DPP10: variants seen among roughly 807,000 people sequenced by gnomAD.
DPP10 encodes the protein inactive dipeptidyl peptidase 10.
A neutral mutation model predicts 120.9 loss-of-function variants in DPP10; 33 were observed. The observed-to-expected ratio is 0.27, with a 90% CI of 0.21 to 0.37. The LOEUF (loss-of-function observed/expected upper bound fraction) is 0.37. Among genes scored for constraint, DPP10 ranks in the 10% least tolerant of loss-of-function variants. The probability of loss-of-function intolerance (pLI) is 1.00; values close to 1 mark genes in which losing one functional copy is unlikely to be tolerated. For synonymous variants in DPP10, 337 were observed against 326.1 expected, an observed-to-expected ratio of 1.03 and a Z score of -0.36; for missense variants, 816 against 942.8, an observed-to-expected ratio of 0.87 and a Z score of 1.76.
intron 1 of DPP10, among the ~76,000 whole-genome samples, chr2:114,541,487 A>G (rs548902580): frequency 6.6e-6 from 1 of 152,306 alleles, no homozygotes; most frequent in African/African-American, 2.4e-5. Flanking sequence ...CTCTCAGGAA[A>G]ACAGGTAAGC....
chr2:115,658,243 A>G (rs537491809), intron 5 of DPP10, among the ~76,000 whole-genome samples: 60 of 152,134 alleles, frequency 3.9e-4, no homozygotes, highest in African/African-American at 1.4e-3. Flanking sequence ...ATAATTGATT[A>G]CTAATTGATA....
chr2:114,723,583 C>A (rs1032458662), intron 1 of DPP10, among the ~76,000 whole-genome samples: 3 of 152,150 alleles, frequency 2.0e-5, no homozygotes, highest in Non-Finnish European at 2.9e-5. Flanking sequence ...TAAAGCACAT[C>A]AATCTATTTT....
intron 1 of DPP10, among the ~76,000 whole-genome samples, chr2:114,795,815 T>A (rs1410984173): frequency 2.6e-5 from 4 of 152,180 alleles, no homozygotes; most frequent in Non-Finnish European, 5.9e-5. Flanking sequence ...CTAATTACCA[T>A]AAAATATACA....
chr2:114,977,825 C>T (rs541046025), intron 1 of DPP10, among the ~76,000 whole-genome samples: 6 of 151,998 alleles, frequency 3.9e-5, no homozygotes, highest in Admixed American at 6.6e-5. Context: ...TACTGTTGTA[C>T]CCAATTCCAG....
At chr2:114,521,868 C>A (rs1183204267) in intron 1 of DPP10, among the ~76,000 whole-genome samples, 1 of 137,738 alleles carries the variant, frequency 7.3e-6, no homozygotes, top group Non-Finnish European at 1.5e-5. Flanking sequence ...AGTGCAGTGG[C>A]GCAATCTCGG....
chr2:115,349,758 CTTGT>C (rs374533131), intron 3 of DPP10, among the ~76,000 whole-genome samples: 4 of 152,086 alleles, frequency 2.6e-5, no homozygotes, highest in South Asian at 2.1e-4. Context: ...TTGTTTCTTG[CTTGT>C]TTGTTTGACA....
At chr2:115,545,729 C>G (rs1005823591) in intron 5 of DPP10, among the ~76,000 whole-genome samples, 3 of 152,056 alleles carry the variant, frequency 2.0e-5, no homozygotes, top group Non-Finnish European at 4.4e-5. Context: ...GCTCATAAAT[C>G]CTCAAATCCT....
At chr2:115,611,765 C>T (rs1289726298) in intron 5 of DPP10, among the ~76,000 whole-genome samples, 4 of 152,014 alleles carry the variant, frequency 2.6e-5, no homozygotes, top group Non-Finnish European at 1.5e-5. Flanking sequence ...TGTTAGCCTA[C>T]CTACTTATTA....
intron 1 of DPP10, among the ~76,000 whole-genome samples, chr2:114,765,950 CTCAA>C (rs1680672465): frequency 6.6e-6 from 1 of 152,042 alleles, no homozygotes; most frequent in Non-Finnish European, 1.5e-5. Flanking sequence ...ACAGATTAAA[CTCAA>C]TCAAATGTGA....
At chr2:115,384,683 GGAA>G (rs1261850319) in intron 3 of DPP10, among the ~76,000 whole-genome samples, 5 of 138,598 alleles carry the variant, frequency 3.6e-5, no homozygotes, top group East Asian at 2.1e-4. Flanking sequence ...AAGAAGAAGA[GGAA>G]GAAGAAGAAA....
intron 1 of DPP10, among the ~76,000 whole-genome samples, chr2:114,577,104 G>A (rs1210027492): frequency 6.6e-6 from 1 of 152,160 alleles, no homozygotes; most frequent in East Asian, 1.9e-4. Flanking sequence ...AAAGTTGGCA[G>A]GACTGCAGAA....
intron 5 of DPP10, among the ~76,000 whole-genome samples, chr2:115,543,462 A>G (rs2079299170): frequency 6.6e-6 from 1 of 152,090 alleles, no homozygotes; most frequent in Non-Finnish European, 1.5e-5. Context: ...GCCAATATCA[A>G]TAAACTTGCA....
intron 1 of DPP10, among the ~76,000 whole-genome samples, chr2:114,528,325 T>C (rs1685675719): frequency 6.6e-6 from 1 of 152,144 alleles, no homozygotes; most frequent in Non-Finnish European, 1.5e-5. Context: ...CCAGAAGTGC[T>C]TGTGACTCTA....
chr2:114,839,350 T>A (rs146511907), intron 1 of DPP10, among the ~76,000 whole-genome samples: 75 of 152,322 alleles, frequency 4.9e-4, no homozygotes, highest in Middle Eastern at 3.4e-3. Context: ...AGTATCAGTT[T>A]AAGAGATTTC....
At position 114,758,959 on chromosome 2, in the gene DPP10, T is replaced by C. The variant is rs571465550; in HGVS notation, c.60+316121T>C. 1.7e-3 allele frequency among the ~76,000 whole-genome samples: 262 copies of C among 152,358 alleles called. 1 individual carries two copies. The highest frequency in any genetic ancestry group is 5.5e-3 in the African/African-American group (228 of 41,588). On this transcript the variant is annotated intron_variant, in intron 1 of 25. Coordinates refer to ENST00000410059, the MANE Select transcript of DPP10 (RefSeq NM_020868.6). The stretch of plus-strand genomic sequence containing the variant: ...TGGATGTTCAGATAACCTGTGGTCC[T>C]TTTAGCTATCAAGCAAAAAGTGGAT...
intron 1 of DPP10, among the ~76,000 whole-genome samples, chr2:114,706,216 T>C (rs1399541317): frequency 1.3e-5 from 2 of 152,196 alleles, no homozygotes; most frequent in East Asian, 3.8e-4. Flanking sequence ...TGGTTTAGAA[T>C]TATACAAGCC....
intron 1 of DPP10, among the ~76,000 whole-genome samples, chr2:114,893,316 G>A (rs770356188): frequency 6.6e-6 from 1 of 152,152 alleles, no homozygotes; most frequent in Non-Finnish European, 1.5e-5. Context: ...AAACTAGAAA[G>A]CAGTGTTAAC....
intron 1 of DPP10, among the ~76,000 whole-genome samples, chr2:115,098,758 C>A (rs1174920719): frequency 6.6e-6 from 1 of 152,140 alleles, no homozygotes; most frequent in Non-Finnish European, 1.5e-5. Flanking sequence ...ACAGCCCATG[C>A]ACTATAGCTA....
At chr2:115,355,660 G>A (rs182953088) in intron 3 of DPP10, among the ~76,000 whole-genome samples, 88 of 152,214 alleles carry the variant, frequency 5.8e-4, no homozygotes, top group Admixed American at 9.2e-4. Flanking sequence ...TACTGCCTAG[G>A]TTTTCGTCTA....
Sources: gnomAD v4.1 joint callset for allele counts (sites outside exome capture counted in the v4.1 genomes callset) on GRCh38, gnomAD v4.1.1 for gene constraint, MANE v1.5 for transcripts, NCBI Gene and HGNC (gene_info 2026-07-23, HGNC 2026-07-21) for gene names.